The following DLGAP2 variants were observed in gnomAD, a reference collection of about 807,000 sequenced individuals.
The protein encoded by DLGAP2 is DLG associated protein 2, also known as disks large-associated protein 2.
A neutral mutation model predicts 100.3 loss-of-function variants in DLGAP2; 26 were observed. That is an observed-to-expected ratio of 0.26 (90% CI 0.19 to 0.36). The LOEUF is 0.36. Ranked by LOEUF, DLGAP2 falls within the 10% of genes least tolerant of loss-of-function variation. The pLI is 1.00. For synonymous variants in DLGAP2, 886 were observed against 630.1 expected (o/e 1.41, Z -6.08); for missense variants, 1,858 against 1,453.2 (o/e 1.28, Z -4.53).
At chr8:1,699,024 G>A (rs577639858) in intron 14 of DLGAP2, among the ~76,000 whole-genome samples, 1 of 152,332 alleles carries the variant, frequency 6.6e-6, no homozygotes, top group South Asian at 2.1e-4. Flanking sequence ...AGACAGGTCC[G>A]TGTAAGCCAC....
intron 1 of DLGAP2, chr8:754,065 G>A (rs955950468): frequency 3.9e-5 from 6 of 152,276 alleles, no homozygotes; most frequent in African/African-American, 1.2e-4. Context: ...AGATCTGAGT[G>A]AGGATGGAAC....
chr8:1,302,108 T>C (rs1346244133), intron 3 of DLGAP2: 2 of 152,428 alleles, frequency 1.3e-5, no homozygotes, highest in Non-Finnish European at 2.9e-5. Context: ...GCAGAAGCTC[T>C]ATAAGTTCCT....
intron 2 of DLGAP2, among the ~76,000 whole-genome samples, chr8:1,201,380 C>T (rs1460924381): frequency 6.6e-6 from 1 of 152,140 alleles, no homozygotes; most frequent in Non-Finnish European, 1.5e-5. Flanking sequence ...CTCCCCCTTC[C>T]TCGGGAAGGG....
chr8:827,111 A>G (rs768818397), intron 1 of DLGAP2, among the ~76,000 whole-genome samples: 2 of 152,176 alleles, frequency 1.3e-5, no homozygotes, highest in Non-Finnish European at 2.9e-5. Context: ...TACTTCCAGC[A>G]TCTGATGGGT....
rs556231092 is a variant in DLGAP2, at chr8:778,511, C to T, written c.18+40686C>T. Among the ~76,000 whole-genome samples, 6 of 152,320 alleles carry T rather than the reference C, an allele frequency of 3.9e-5. No homozygotes were observed. The South Asian group carries it at 1.2e-3, about 32-fold the overall frequency. On this transcript the variant is annotated intron_variant, in intron 1 of 14. Transcript: ENST00000637795. The stretch of plus-strand genomic sequence containing the variant: ...TTTGGTCTTTGATGATGGTGATATA[C>T]AGATGGGTTTTCAGTGTGGATGTCC...
intron 3 of DLGAP2, among the ~76,000 whole-genome samples, chr8:1,501,015 A>G (rs1799703630): frequency 6.6e-6 from 1 of 152,148 alleles, no homozygotes; most frequent in African/African-American, 2.4e-5. Context: ...ACCGGGGAAA[A>G]TTAGAGTGGA....
Position 1,221,806 on chromosome 8 carries a change from C to T in DLGAP2, c.74-37045C>T, listed in dbSNP as rs1345217227. Among the ~76,000 whole-genome samples the T allele has an allele frequency of 3.3e-5, 5 of 152,154 alleles. No homozygotes were observed. In the East Asian group the frequency reaches 7.7e-4, roughly 23 times the overall value. ...GTTTTCTTCATTTTTAAGTGCTTTTCTTCCTTTATTTTTGTGTGCCTGTAT... is the reference window on the plus strand; with the variant it reads ...GTTTTCTTCATTTTTAAGTGCTTTTTTTCCTTTATTTTTGTGTGCCTGTAT... On this transcript the variant is annotated intron_variant, in intron 2 of 14. Transcript: ENST00000637795.
Position 943,726 on chromosome 8 carries a change from C to G in DLGAP2, c.73+35760C>G, listed in dbSNP as rs571624449. On this transcript the variant is annotated intron_variant, in intron 2 of 14. Transcript: ENST00000637795. The stretch of plus-strand genomic sequence containing the variant: ...ATGTAGACGTCGTGATGTGGCCATC[C>G]CGCCACAAGCACAGCGAGAACCGCT... 1.5e-3 allele frequency among the ~76,000 whole-genome samples: 223 copies of G among 152,212 alleles called. 3 individuals are homozygous for G. Among genetic ancestry groups the G allele is most frequent in the African/African-American group, 5.3e-3 (219 of 41,488 alleles).
At chr8:1,276,218 C>T (rs1195735624) in intron 3 of DLGAP2, among the ~76,000 whole-genome samples, 5 of 150,914 alleles carry the variant, frequency 3.3e-5, no homozygotes, top group Non-Finnish European at 4.4e-5. Context: ...ACTCCCCCCC[C>T]GACCCTAGCT....
At chr8:1,382,071 A>G (rs1308888578) in intron 3 of DLGAP2, among the ~76,000 whole-genome samples, 1 of 152,184 alleles carries the variant, frequency 6.6e-6, no homozygotes, top group African/African-American at 2.4e-5. Context: ...AGAAATCCGC[A>G]TATAACTTTT....
intron 3 of DLGAP2, among the ~76,000 whole-genome samples, chr8:1,454,007 G>A (rs926478925): frequency 6.6e-6 from 1 of 152,252 alleles, no homozygotes; most frequent in African/African-American, 2.4e-5. Flanking sequence ...CCTCCTGCCA[G>A]GCAGTGGGAT....
rs547817537 is a variant in DLGAP2, at chr8:1,382,815, G to T, written c.107-118551G>T. Among the ~76,000 whole-genome samples the T allele has an allele frequency of 8.2e-4, 125 of 152,282 alleles. 2 individuals are homozygous for T. Among genetic ancestry groups the T allele is most frequent in the African/African-American group, 2.9e-3 (119 of 41,538 alleles). On this transcript the variant is annotated intron_variant, in intron 3 of 14. Coordinates refer to ENST00000637795, the MANE Select transcript of DLGAP2 (RefSeq NM_001346810.2). Reference sequence around the variant, plus strand: ...CAAGAAATCAGAAGCCATATTGAATGCTTCATCAAAGAGGACTGGTTGAAT... The same window carrying T: ...CAAGAAATCAGAAGCCATATTGAATTCTTCATCAAAGAGGACTGGTTGAAT...
chr8:1,416,290 C>CA (rs1193442187), intron 3 of DLGAP2, among the ~76,000 whole-genome samples: 1 of 152,158 alleles, frequency 6.6e-6, no homozygotes, highest in East Asian at 1.9e-4. Context: ...AGGTTCCCGT[C>CA]ACGACGGCCA....
chr8:986,322 T>C (rs1263994210), intron 2 of DLGAP2, among the ~76,000 whole-genome samples: 6 of 146,804 alleles, frequency 4.1e-5, no homozygotes, highest in Non-Finnish European at 7.4e-5. Context: ...AAACTTTTCT[T>C]TTTTTAAAAA....
At chr8:1,163,776 G>C (rs1340973736) in intron 2 of DLGAP2, among the ~76,000 whole-genome samples, 1 of 152,228 alleles carries the variant, frequency 6.6e-6, no homozygotes, top group African/African-American at 2.4e-5. Context: ...CCTGCCTTCT[G>C]TTTTCTAAAT....
intron 1 of DLGAP2, among the ~76,000 whole-genome samples, chr8:828,941 A>C (rs576232624): frequency 6.6e-6 from 1 of 152,314 alleles, no homozygotes; most frequent in South Asian, 2.1e-4. Context: ...ACTCTGTATT[A>C]AAACATATTA....
At chr8:1,590,420 T>G (rs1320833536) in intron 6 of DLGAP2, among the ~76,000 whole-genome samples, 2 of 152,206 alleles carry the variant, frequency 1.3e-5, no homozygotes, top group Admixed American at 6.5e-5. Flanking sequence ...GGCTTTTCTC[T>G]TCCGGAATGT....
chr8:1,454,573 T>C (rs1258520500), intron 3 of DLGAP2, among the ~76,000 whole-genome samples: 1 of 152,166 alleles, frequency 6.6e-6, no homozygotes, highest in African/African-American at 2.4e-5. Context: ...TGAGTGTTCA[T>C]TGCAAGGAAA....
At chr8:1,492,545 G>A (rs769293596) in intron 3 of DLGAP2, among the ~76,000 whole-genome samples, 1 of 152,220 alleles carries the variant, frequency 6.6e-6, no homozygotes, top group Non-Finnish European at 1.5e-5. Context: ...ACCCGATGGG[G>A]ACCGCGCTTC....
Sources: allele counts gnomAD v4.1 joint callset (sites outside exome capture counted in the v4.1 genomes callset), GRCh38; gene constraint gnomAD v4.1.1; transcripts MANE v1.5; gene names NCBI Gene and HGNC (gene_info 2026-07-23, HGNC 2026-07-21).